Variants in SNAP47 observed in about 807,000 individuals in gnomAD.
SNAP47 encodes the protein synaptosomal-associated protein 47.
SNAP47 carries 20 observed loss-of-function variants against 31.4 expected under a neutral mutation model. The observed-to-expected ratio is 0.64, with a 90% CI of 0.45 to 0.93. The LOEUF is 0.93. Among genes scored for constraint, SNAP47 ranks in the 40% least tolerant of loss-of-function variants. SNAP47 has a pLI of 0.00. For synonymous variants in SNAP47, 194 were observed against 213.4 expected, an observed-to-expected ratio of 0.91 and a Z score of 0.79; for missense variants, 492 against 528.5, an observed-to-expected ratio of 0.93 and a Z score of 0.68.
intron 2 of SNAP47, among the ~76,000 whole-genome samples, chr1:227,752,942 G>A (rs1662469334): frequency 6.6e-6 from 1 of 152,164 alleles, no homozygotes; most frequent in South Asian, 2.1e-4. Context: ...AGAGCTGTTG[G>A]TTCCCAGAGC....
In SNAP47 at chr1:227,775,867, C is replaced by CA. The variant is rs746469412; in HGVS notation, c.1114-4659dup. On this transcript the variant is annotated intron_variant, in intron 4 of 4. Coordinates refer to ENST00000617596, the MANE Select transcript of SNAP47 (RefSeq NM_053052.4). ...CGAGTCTGCAGGAGCTTTGTGGAGACAGAGACTTTCCTAGCAGGGCAGCAA... is the reference window on the plus strand; with the variant it reads ...CGAGTCTGCAGGAGCTTTGTGGAGACAAGAGACTTTCCTAGCAGGGCAGCAA... The CA allele has an allele frequency of 1.2e-5, 15 of 1,303,754 alleles. No individual in the cohort carries two copies. The South Asian group carries it at 1.9e-4, about 16-fold the overall frequency. The allele number at this position is 1,303,754 out of a possible 1,614,324, so 80.8% of individuals were successfully genotyped here. A position where few individuals can be genotyped will look rare whatever the true frequency, so the allele number is the denominator to read the frequency against.
chr1:227,739,935 C>T (rs1444205774), intron 1 of SNAP47, among the ~76,000 whole-genome samples: 1 of 152,238 alleles, frequency 6.6e-6, no homozygotes, highest in Non-Finnish European at 1.5e-5. Context: ...GCTCCAGGAC[C>T]TGGACTGATT....
chr1:227,735,417 C>A (rs767809544), upstream of SNAP47: 7 of 1,543,586 alleles, frequency 4.5e-6, no homozygotes, highest in Non-Finnish European at 6.1e-6. Flanking sequence ...CGCATGCGCG[C>A]GGCTCGCCGC....
rs538031941 is a variant in SNAP47, at chr1:227,771,476, G to C, written c.1113+4393G>C. On this transcript the variant is annotated intron_variant, in intron 4 of 4. Transcript: ENST00000617596. ...GAGGCCATGTCCCAGGGGCGCCCTGGACCAGGTGTGGGGGCCCTGCATGCA... is the reference window on the plus strand; with the variant it reads ...GAGGCCATGTCCCAGGGGCGCCCTGCACCAGGTGTGGGGGCCCTGCATGCA... 1.8e-4 allele frequency among the ~76,000 whole-genome samples: 27 copies of C among 152,264 alleles called. 1 individual carries two copies. Among genetic ancestry groups the C allele is most frequent in the African/African-American group, 6.5e-4 (27 of 41,558 alleles).
At chr1:227,732,480 T>C, upstream of SNAP47, 1 of 1,613,328 alleles carries the variant, frequency 6.2e-7, no homozygotes, top group Non-Finnish European at 8.5e-7. Flanking sequence ...GTCCACTCTC[T>C]GGAAGTCGGG....
upstream of SNAP47, chr1:227,734,306 A>T (rs1053621566): frequency 1.5e-5 from 6 of 391,038 alleles, no homozygotes; most frequent in South Asian, 2.5e-4. Context: ...ACCTGAGCTC[A>T]GGAGTTCAAG....
At chr1:227,728,423 G>GCCCGCCCTGCCTGCCC (rs1247866324), upstream of SNAP47, 1 of 115,960 alleles carries the variant, frequency 8.6e-6, no homozygotes, top group East Asian at 2.5e-4. Context: ...GGGCCCCGCC[G>GCCCGCCCTGCCTGCCC]CCCGCCCTGC....
rs778644691 is a variant in SNAP47 at position 227,759,079 on chromosome 1, A to G, written c.582A>G (p.Glu194=). 5.6e-6 allele frequency: 9 copies of G among 1,614,200 alleles called. No individual in the cohort carries two copies. The highest frequency in any genetic ancestry group is 7.6e-6 in the Non-Finnish European group (9 of 1,180,042). The change falls in exon 3 of 5, where the codon GAA becomes GAG. Residue 194 remains glutamate, a synonymous_variant. Coordinates refer to ENST00000617596, the MANE Select transcript of SNAP47 (RefSeq NM_053052.4). ...WKTPPETKPR[E]DVSMTSCEPF... is the part of the protein sequence containing the mutation. ...CACCACCGGAAACAAAGCCCAGGGA[A>G]GATGTCTCCATGACCAGTTGTGAAC... is the stretch of plus-strand genomic sequence containing the variant.
At chr1:227,748,346 C>T (rs1662117085) in intron 2 of SNAP47, 113 bp downstream of exon 2, 1 of 1,208,478 alleles carries the variant, frequency 8.3e-7, no homozygotes, top group Non-Finnish European at 1.1e-6. Context: ...ATCCAGCATT[C>T]TGAGATCCTG....
intron 4 of SNAP47, among the ~76,000 whole-genome samples, chr1:227,767,996 T>C (rs1431636821): frequency 6.6e-6 from 1 of 152,240 alleles, no homozygotes; most frequent in African/African-American, 2.4e-5. Context: ...TCCAAGTAAT[T>C]TTTGAAGCTG....
upstream of SNAP47, chr1:227,732,968 C>A: frequency 6.2e-7 from 1 of 1,613,424 alleles, no homozygotes; most frequent in Non-Finnish European, 8.5e-7. Context: ...GCAAGAAGCG[C>A]CACATGTTGG....
chr1:227,778,774 G>A (rs550502792), intron 4 of SNAP47, among the ~76,000 whole-genome samples: 12 of 152,308 alleles, frequency 7.9e-5, no homozygotes, highest in African/African-American at 2.4e-4. Flanking sequence ...GAGGTCATCT[G>A]CCCGTCCTCC....
At chr1:227,765,603 ATTG>A (rs1199033102) in intron 3 of SNAP47, among the ~76,000 whole-genome samples, 6 of 152,188 alleles carry the variant, frequency 3.9e-5, no homozygotes, top group African/African-American at 1.2e-4. Flanking sequence ...AGGTTGTGAA[ATTG>A]TTGTTGGTTG....
intron 4 of SNAP47, chr1:227,776,700 C>T (rs1664181155): frequency 2.0e-6 from 2 of 985,360 alleles, no homozygotes; most frequent in Non-Finnish European, 2.4e-6. Context: ...TCTGGACCTG[C>T]ACTCCAGGAC....
Position 227,741,740 on chromosome 1 carries a change from C to T in SNAP47, c.-45-5952C>T, listed in dbSNP as rs6683869. On this transcript the variant is annotated intron_variant, in intron 1 of 4. Coordinates refer to ENST00000617596, the MANE Select transcript of SNAP47 (RefSeq NM_053052.4). The surrounding 1 kb of genome is among the most constrained non-coding windows in gnomAD (Gnocchi z 4.2). ...GTCGTCGGGTAGGGGAATGGCTGGC[C>T]GGCGTGGGGGCCGTGTTCAAGATTG... 0.4 allele frequency among the ~76,000 whole-genome samples: 60,844 copies of T among 151,734 alleles called. 12,278 individuals are homozygous for T. The highest frequency in any genetic ancestry group is 0.43 in the Admixed American group (6,610 of 15,280).
chr1:227,772,575 G>GC (rs749746314), intron 4 of SNAP47, among the ~76,000 whole-genome samples: 3 of 152,164 alleles, frequency 2.0e-5, no homozygotes, highest in Non-Finnish European at 2.9e-5. Flanking sequence ...TCTGTTTGAG[G>GC]CCCTGCTCTC....
upstream of SNAP47, chr1:227,735,282 G>T (rs779114582): frequency 1.9e-5 from 31 of 1,606,302 alleles, no homozygotes; most frequent in East Asian, 6.5e-4. Flanking sequence ...ATCCAGCTCA[G>T]CACGGGTCGA....
intron 2 of SNAP47, among the ~76,000 whole-genome samples, chr1:227,753,654 C>G (rs1572014300): frequency 6.6e-6 from 1 of 152,142 alleles, no homozygotes; most frequent in African/African-American, 2.4e-5. Context: ...TTTACATAGG[C>G]CTGCTCACCA....
chr1:227,735,384 G>A, upstream of SNAP47: 1 of 1,584,374 alleles, frequency 6.3e-7, no homozygotes, highest in Non-Finnish European at 8.5e-7. Context: ...TGCCCCGCCA[G>A]CGCCTGGGGC....
Sources: allele counts gnomAD v4.1 joint callset (sites outside exome capture counted in the v4.1 genomes callset), GRCh38; gene constraint gnomAD v4.1.1; non-coding constraint Gnocchi (gnomAD v3.1); transcripts MANE v1.5; gene names NCBI Gene and HGNC (gene_info 2026-07-23, HGNC 2026-07-21).